The following SHISA9 variants were observed in gnomAD, a reference collection of about 807,000 sequenced individuals.
The protein encoded by SHISA9 is protein shisa-9.
A neutral mutation model predicts 38.0 loss-of-function variants in SHISA9; 13 were observed. That is an observed-to-expected ratio of 0.34 (90% CI 0.22 to 0.54). SHISA9 has a LOEUF of 0.54. Ranked by LOEUF, SHISA9 falls within the 20% of genes least tolerant of loss-of-function variation. The probability of loss-of-function intolerance (pLI) is 0.91; values close to 1 mark genes in which losing one functional copy is unlikely to be tolerated. For missense variants in SHISA9, 538 were observed against 575.8 expected (o/e 0.93, Z 0.67); for synonymous variants, 275 against 242.0 (o/e 1.14, Z -1.27).
intron 2 of SHISA9, among the ~76,000 whole-genome samples, chr16:13,181,505 T>C (rs75958188): frequency 0.018 from 2,687 of 151,842 alleles, 39 homozygotes; most frequent in Non-Finnish European, 0.027. Context: ...GGTAATGCCA[T>C]GTGTCTGGAG....
chr16:13,395,403 T>G, the SHISA9 span, among the ~76,000 whole-genome samples: 1 of 152,244 alleles, frequency 6.6e-6, no homozygotes, highest in Non-Finnish European at 1.5e-5. Context: ...CAAGAGTCTA[T>G]GCACAGCATA....
At chr16:13,184,444 T>G (rs1256329489) in intron 2 of SHISA9, among the ~76,000 whole-genome samples, 1 of 152,246 alleles carries the variant, frequency 6.6e-6, no homozygotes, top group Non-Finnish European at 1.5e-5. Flanking sequence ...GGTGATGTCT[T>G]TGCATATTTT....
the SHISA9 span, among the ~76,000 whole-genome samples, chr16:13,288,829 C>G: frequency 6.6e-6 from 1 of 152,066 alleles, no homozygotes; most frequent in African/African-American, 2.4e-5. Flanking sequence ...TTATCTTTTT[C>G]TCTTCTTATA....
chr16:13,145,956 G>A (rs1174963942), intron 2 of SHISA9, among the ~76,000 whole-genome samples: 6 of 152,254 alleles, frequency 3.9e-5, no homozygotes, highest in African/African-American at 1.4e-4. Context: ...GGGAGGCCAA[G>A]GCAGGCAGAT....
At chr16:13,492,001 C>G in the SHISA9 span, among the ~76,000 whole-genome samples, 1 of 151,464 alleles carries the variant, frequency 6.6e-6, no homozygotes, top group Non-Finnish European at 1.5e-5. Context: ...TAAACCAGAG[C>G]TAGTGACCTT....
the SHISA9 span, among the ~76,000 whole-genome samples, chr16:13,248,231 G>C: frequency 6.6e-6 from 1 of 152,092 alleles, no homozygotes; most frequent in Non-Finnish European, 1.5e-5. Flanking sequence ...AGAGAACACT[G>C]CTGAGTGCTT....
intron 2 of SHISA9, among the ~76,000 whole-genome samples, chr16:13,031,194 C>T (rs1210196960): frequency 6.6e-6 from 1 of 152,192 alleles, no homozygotes; most frequent in Non-Finnish European, 1.5e-5. Context: ...TTTAACCCCT[C>T]TTCTGCCTCT....
chr16:13,035,352 A>T (rs1875386), intron 2 of SHISA9, among the ~76,000 whole-genome samples: 113,411 of 151,986 alleles, frequency 0.75, 43,079 homozygotes, highest in African/African-American at 0.88. Flanking sequence ...TGGTTTGAGA[A>T]AACATGGCAG....
chr16:13,379,863 C>G, the SHISA9 span, among the ~76,000 whole-genome samples: 5 of 151,976 alleles, frequency 3.3e-5, no homozygotes, highest in East Asian at 9.6e-4. Context: ...TTAATATTAG[C>G]TATCATTATA....
At chr16:12,954,868 T>G (rs2071807438) in intron 2 of SHISA9, among the ~76,000 whole-genome samples, 2 of 152,134 alleles carry the variant, frequency 1.3e-5, no homozygotes, top group Admixed American at 1.3e-4. Context: ...TCTTTCTATG[T>G]GCACATGTGT....
intron 2 of SHISA9, among the ~76,000 whole-genome samples, chr16:13,112,088 A>G (rs778007976): frequency 5.3e-5 from 8 of 152,206 alleles, no homozygotes; most frequent in Non-Finnish European, 7.4e-5. Context: ...CCAGGTGGTC[A>G]TACCACTCAG....
intron 2 of SHISA9, among the ~76,000 whole-genome samples, chr16:13,078,336 C>T (rs556866053): frequency 1.4e-4 from 21 of 152,260 alleles, no homozygotes; most frequent in African/African-American, 4.6e-4. Flanking sequence ...AATGTAAATG[C>T]TATGTAAATA....
At chr16:13,143,273 G>A (rs1377743803) in intron 2 of SHISA9, among the ~76,000 whole-genome samples, 1 of 152,098 alleles carries the variant, frequency 6.6e-6, no homozygotes, top group Non-Finnish European at 1.5e-5. Context: ...GCCTCTCAAA[G>A]TGCTGGGATT....
intron 2 of SHISA9, among the ~76,000 whole-genome samples, chr16:13,073,614 A>G (rs1045295965): frequency 3.3e-5 from 5 of 152,180 alleles, no homozygotes; most frequent in African/African-American, 1.2e-4. Context: ...AGACATGTCC[A>G]TCTAGAACCT....
At chr16:13,113,618 A>G (rs1231896400) in intron 2 of SHISA9, among the ~76,000 whole-genome samples, 4 of 152,188 alleles carry the variant, frequency 2.6e-5, no homozygotes, top group African/African-American at 9.7e-5. Flanking sequence ...CGTCCAATAC[A>G]AAGGAATTTG....
chr16:13,217,576 A>C (rs770028035), intron 4 of SHISA9, among the ~76,000 whole-genome samples: 42 of 152,298 alleles, frequency 2.8e-4, no homozygotes, highest in Non-Finnish European at 4.3e-4. Context: ...CCAATAGAGG[A>C]AATCAGAGAA....
chr16:12,920,170 C>T (rs904560427), intron 2 of SHISA9, among the ~76,000 whole-genome samples: 5 of 128,630 alleles, frequency 3.9e-5, no homozygotes, highest in East Asian at 2.2e-4. Flanking sequence ...TGTTTCAAGT[C>T]GTGGGTACGG....
chr16:13,009,215 G>C (rs2072640166), intron 2 of SHISA9, among the ~76,000 whole-genome samples: 1 of 152,076 alleles, frequency 6.6e-6, no homozygotes, highest in Non-Finnish European at 1.5e-5. Flanking sequence ...GATCTTCTTA[G>C]CTGTAAGTGG....
Position 12,902,776 on chromosome 16 carries a change from C to T in SHISA9, c.563+149C>T, listed in dbSNP as rs535247728. 4.8e-5 allele frequency: 40 copies of T among 826,052 alleles called. 1 individual carries two copies. The African/African-American group carries it at 6.4e-4, about 13-fold the overall frequency. 51.2% of individuals were successfully genotyped at this position (826,052 alleles called of 1,614,324 possible). Reference sequence around the variant, plus strand: ...GGGGATGTCACCGGGAAGCCAACTTCGGCTTGGAACACGGAGAAGGGGCGC... The same window carrying T: ...GGGGATGTCACCGGGAAGCCAACTTTGGCTTGGAACACGGAGAAGGGGCGC... On this transcript the variant is annotated intron_variant, in intron 1 of 4. Coordinates refer to ENST00000558583, the MANE Select transcript of SHISA9 (RefSeq NM_001145204.3).
Sources: gnomAD v4.1 joint callset for allele counts (sites outside exome capture counted in the v4.1 genomes callset) on GRCh38, gnomAD v4.1.1 for gene constraint, MANE v1.5 for transcripts, NCBI Gene and HGNC (gene_info 2026-07-23, HGNC 2026-07-21) for gene names.